Variants in XPOT observed in about 807,000 individuals in gnomAD.
XPOT encodes the protein exportin for tRNA.
Under a neutral mutation model 128.2 loss-of-function variants are expected in XPOT, and 34 were observed. The ratio of observed to expected loss-of-function variants is 0.27; its 90% CI spans 0.20 to 0.35. XPOT has a LOEUF of 0.35. Among genes scored for constraint, XPOT ranks in the 10% least tolerant of loss-of-function variants. XPOT has a pLI of 1.00. For synonymous variants in XPOT, 348 were observed against 394.3 expected (o/e 0.88, Z 1.39); for missense variants, 838 against 1,125.3 (o/e 0.74, Z 3.65).
At chr12:64,405,963 T>C (rs2039977425) in intron 1 of XPOT, among the ~76,000 whole-genome samples, 1 of 152,028 alleles carries the variant, frequency 6.6e-6, no homozygotes, top group African/African-American at 2.4e-5. Flanking sequence ...GGGGGATTCT[T>C]TCTGTAGTGA....
chr12:64,442,282 G>T (rs897131423), intron 23 of XPOT, among the ~76,000 whole-genome samples: 2 of 152,042 alleles, frequency 1.3e-5, no homozygotes, highest in Non-Finnish European at 2.9e-5. Flanking sequence ...AGGATTACAG[G>T]TGCCCACCAC....
At chr12:64,427,333 C>G (rs1202870612) in intron 15 of XPOT, among the ~76,000 whole-genome samples, 3 of 151,918 alleles carry the variant, frequency 2.0e-5, no homozygotes, top group African/African-American at 7.3e-5. Context: ...GTTGGTCAGG[C>G]TGGCCTTGAA....
At chr12:64,424,343 T>A (rs989327420) in intron 11 of XPOT, among the ~76,000 whole-genome samples, 1 of 152,214 alleles carries the variant, frequency 6.6e-6, no homozygotes, top group African/African-American at 2.4e-5. Flanking sequence ...TTATTAAGCT[T>A]AATAAGTTTT....
chr12:64,428,698 A>G (rs2040212919), intron 16 of XPOT, among the ~76,000 whole-genome samples: 1 of 152,222 alleles, frequency 6.6e-6, no homozygotes, highest in Admixed American at 6.5e-5. Flanking sequence ...ATCCTGGAAA[A>G]AGTAATTTTA....
chr12:64,429,977 A>C (rs374300728), intron 16 of XPOT, 72 bp from the exon 17 acceptor site: 1 of 1,339,144 alleles, frequency 7.5e-7, no homozygotes, highest in Non-Finnish European at 1.0e-6. Flanking sequence ...TCCTGTTCCT[A>C]ATGCACTTTT....
At position 64,423,898 on chromosome 12, in the gene XPOT, G is replaced by A. The variant is rs539158302; in HGVS notation, c.1182+654G>A. Among the ~76,000 whole-genome samples the A allele has an allele frequency of 5.3e-5, 8 of 152,048 alleles. No homozygotes were observed. In the South Asian group the frequency reaches 6.2e-4, roughly 12 times the overall value. ...TGTATTGGCAGAGTGGAAATGAGGC[G>A]CTCTAGACTTGTTCCAGTTAAAGGT... On this transcript the variant is annotated intron_variant, in intron 11 of 24. Coordinates refer to ENST00000332707, the MANE Select transcript of XPOT (RefSeq NM_007235.6).
chr12:64,406,653 G>A (rs1440562493), intron 1 of XPOT, among the ~76,000 whole-genome samples: 1 of 152,152 alleles, frequency 6.6e-6, no homozygotes, highest in Non-Finnish European at 1.5e-5. Flanking sequence ...TGGGATTATA[G>A]GCGTGAGCCA....
Position 64,433,530 on chromosome 12 carries a change from G to A in XPOT, c.2379G>A (p.Met793Ile). ...AGTCTGCTGCTTTAGAGAAGCAGAT[G>A]TTGCGGAGGAGTTACTTTGCTTTCC... ...NDQSAALEKQ[M>I]LRRSYFAFLQ... The change falls in exon 19 of 25, where the codon ATG (methionine) becomes ATA (isoleucine). Residue 793 changes from methionine (M) to isoleucine (I), a missense_variant. Transcript: ENST00000332707. 1.2e-6 allele frequency: 2 copies of A among 1,613,324 alleles called. No homozygotes were observed. The highest frequency in any genetic ancestry group is 1.7e-6 in the Non-Finnish European group (2 of 1,179,530).
At chr12:64,441,431 A>G (rs932316878) in intron 23 of XPOT, among the ~76,000 whole-genome samples, 1 of 152,184 alleles carries the variant, frequency 6.6e-6, no homozygotes, top group Non-Finnish European at 1.5e-5. Context: ...GTCTTTTGCT[A>G]GTACCATACT....
intron 24 of XPOT, among the ~76,000 whole-genome samples, chr12:64,446,277 TAA>T (rs890129525): frequency 4.6e-5 from 7 of 152,186 alleles, no homozygotes; most frequent in Admixed American, 6.5e-5. Context: ...ATAGCATTTA[TAA>T]AAAGTCTTCC....
rs569029355 is a variant in XPOT at position 64,445,010 on chromosome 12, C to T, written c.2806-65C>T. ...AAAATTAAAAAAAAAAAACTGGATA[C>T]GAATTACAATGGATTTAATACAAAT... is the stretch of plus-strand genomic sequence containing the variant. On this transcript the variant is annotated intron_variant, in intron 23 of 24. Coordinates refer to ENST00000332707, the MANE Select transcript of XPOT (RefSeq NM_007235.6). The T allele has an allele frequency of 2.9e-5, 38 of 1,293,794 alleles. No individual in the cohort carries two copies. In the Admixed American group the frequency reaches 3.8e-4, roughly 13 times the overall value. 80.1% of individuals were successfully genotyped at this position (1,293,794 alleles called of 1,614,324 possible).
Position 64,423,179 on chromosome 12 carries a change from T to A in XPOT, c.1120-3T>A. 6.2e-7 allele frequency: 1 copy of A among 1,600,750 alleles called. No individual in the cohort carries two copies. On this transcript the variant is annotated splice_region_variant and splice_polypyrimidine_tract_variant and intron_variant, in intron 10 of 24. Transcript: ENST00000332707. ...ACTCTTTTATTCTCAATTTTATTCTTAGGCAATCATGTTGGCCGTTATGAA... is the reference window on the plus strand; with the variant it reads ...ACTCTTTTATTCTCAATTTTATTCTAAGGCAATCATGTTGGCCGTTATGAA...
Position 64,419,458 on chromosome 12 carries a change from T to C in XPOT, c.489+364T>C, listed in dbSNP as rs1023809151. On this transcript the variant is annotated intron_variant, in intron 6 of 24. Transcript: ENST00000332707. ...TCAGCCTCCCTAGTAGCTGGGATTA[T>C]AGGCACATGCCACCACGCCTGGCTA... Among the ~76,000 whole-genome samples, 8 of 152,158 alleles carry C rather than the reference T, an allele frequency of 5.3e-5. No homozygotes were observed. The East Asian group carries it at 7.8e-4, about 15-fold the overall frequency.
In XPOT at chr12:64,404,545, C is replaced by A; in HGVS notation, c.-334C>A. On this transcript the variant is annotated 5_prime_UTR_variant, in exon 1 of 25. Coordinates refer to ENST00000332707, the MANE Select transcript of XPOT (RefSeq NM_007235.6). ...TTCCCTTCCTGGGGCGCCGACCCCG[C>A]CCGCTTGCTTGCTTGCTTGCTTGCC... 6.5e-6 allele frequency: 1 copy of A among 154,930 alleles called. No homozygotes were observed. Among genetic ancestry groups the A allele is most frequent in the Non-Finnish European group, 1.4e-5 (1 of 69,586 alleles). The allele number at this position is 154,930 out of a possible 1,614,324, so 9.6% of individuals were successfully genotyped here.
At chr12:64,442,669 T>C (rs1020444505) in intron 23 of XPOT, 8 of 152,496 alleles carry the variant, frequency 5.2e-5, no homozygotes, top group African/African-American at 1.9e-4. Context: ...TTTCTCCTGC[T>C]CTCCTTTCTT....
chr12:64,425,968 A>G, intron 15 of XPOT, 59 bp downstream of exon 15: 1 of 1,469,894 alleles, frequency 6.8e-7, no homozygotes, highest in South Asian at 1.1e-5. Flanking sequence ...GGATAGATGT[A>G]AAACAATAGT....
At chr12:64,420,016 T>C in intron 6 of XPOT, 54 bp from the exon 7 acceptor site, 1 of 1,483,876 alleles carries the variant, frequency 6.7e-7, no homozygotes, top group Non-Finnish European at 9.0e-7. Flanking sequence ...TATTCAGATA[T>C]CAAACATGAT....
intron 1 of XPOT, among the ~76,000 whole-genome samples, chr12:64,406,363 C>T (rs2039982879): frequency 6.6e-6 from 1 of 151,770 alleles, no homozygotes; most frequent in South Asian, 2.1e-4. Flanking sequence ...CGTGAGCCAC[C>T]GTGCCCAGCC....
chr12:64,425,027 T>A lies in XPOT; in HGVS notation c.1308-11T>A, dbSNP rs532938613. ...ATCTTTAAATCTCACTGACATATTA[T>A]ACCTTGGTAGGAATTGGCAGACTAC... On this transcript the variant is annotated splice_polypyrimidine_tract_variant and intron_variant, in intron 12 of 24. Transcript: ENST00000332707. The A allele has an allele frequency of 2.0e-5, 33 of 1,612,218 alleles. No homozygotes were observed. In the Admixed American group the frequency reaches 4.7e-4, roughly 23 times the overall value.
Sources: allele counts gnomAD v4.1 joint callset (sites outside exome capture counted in the v4.1 genomes callset), GRCh38; gene constraint gnomAD v4.1.1; transcripts MANE v1.5; gene names NCBI Gene and HGNC (gene_info 2026-07-23, HGNC 2026-07-21).